Variants in SASH1 observed in about 807,000 individuals in gnomAD.
The protein encoded by SASH1 is SAM and SH3 domain containing 1.
In SASH1, 44 loss-of-function variants were observed where a neutral mutation model predicts 125.2. The ratio of observed to expected loss-of-function variants is 0.35; its 90% CI spans 0.28 to 0.45. The LOEUF (loss-of-function observed/expected upper bound fraction) is 0.45. SASH1 is among the 20% of genes least tolerant of loss of function. SASH1 has a pLI of 1.00. For synonymous variants in SASH1, 639 were observed against 649.1 expected (o/e 0.98, Z 0.24); for missense variants, 1,426 against 1,614.5 (o/e 0.88, Z 2.00).
chr6:148,508,510 G>T, intron 8 of SASH1: 2 of 1,012,242 alleles, frequency 2.0e-6, no homozygotes, highest in Non-Finnish European at 2.4e-6. Flanking sequence ...GTGAAAACAG[G>T]GATTGTTGGC....
intron 8 of SASH1, among the ~76,000 whole-genome samples, chr6:148,504,180 A>G (rs931902710): frequency 6.6e-6 from 1 of 152,184 alleles, no homozygotes; most frequent in Non-Finnish European, 1.5e-5. Context: ...AAGGATGCAT[A>G]GGAGTTAGGG....
chr6:148,455,798 G>A (rs879536003), intron 4 of SASH1, among the ~76,000 whole-genome samples: 22 of 152,360 alleles, frequency 1.4e-4, no homozygotes, highest in African/African-American at 3.6e-4. Flanking sequence ...CATGCTGCCC[G>A]TTGGGAGAAG....
intron 2 of SASH1, among the ~76,000 whole-genome samples, chr6:148,411,169 A>C (rs1784612354): frequency 3.2e-5 from 1 of 31,414 alleles, no homozygotes; most frequent in Non-Finnish European, 7.5e-5. Context: ...CCATCTCCAA[A>C]AAAAAAAAAA....
chr6:148,457,673 A>G (rs1198855248), intron 4 of SASH1, among the ~76,000 whole-genome samples: 2 of 152,184 alleles, frequency 1.3e-5, no homozygotes, highest in Non-Finnish European at 2.9e-5. Context: ...TTCGCCACTA[A>G]CTGTGTATTC....
chr6:148,510,516 A>G (rs999512725), intron 8 of SASH1, among the ~76,000 whole-genome samples: 1 of 152,198 alleles, frequency 6.6e-6, no homozygotes, highest in Non-Finnish European at 1.5e-5. Context: ...TGCTGAACCT[A>G]TTTCTTAGAA....
rs374116258 is a variant in SASH1 at position 148,362,178 on chromosome 6, T to C, written c.156+18955T>C. Among the ~76,000 whole-genome samples, 101 of 151,816 alleles carry C rather than the reference T, an allele frequency of 6.7e-4. 1 individual carries two copies. In the Middle Eastern group the frequency reaches 0.01, roughly 15 times the overall value. On this transcript the variant is annotated intron_variant, in intron 1 of 19. Coordinates refer to ENST00000367467, the MANE Select transcript of SASH1 (RefSeq NM_015278.5). ...TCCTGACCTTGTGATCCGCCCACCT[T>C]GGCCTCCCAAAGTGCTGGGATTACA...
At chr6:148,231,387 A>C in the SASH1 span, among the ~76,000 whole-genome samples, 9 of 152,192 alleles carry the variant, frequency 5.9e-5, no homozygotes, top group African/African-American at 1.9e-4. Flanking sequence ...AGCTGTGGAC[A>C]AAATTTTGGA....
At chr6:148,424,253 G>T (rs1283738868) in intron 2 of SASH1, among the ~76,000 whole-genome samples, 4 of 150,930 alleles carry the variant, frequency 2.7e-5, no homozygotes, top group Admixed American at 6.6e-5. Context: ...TTGGGGGGGG[G>T]AGGTGGGACA....
chr6:148,246,458 T>C, the SASH1 span, among the ~76,000 whole-genome samples: 20 of 152,248 alleles, frequency 1.3e-4, no homozygotes, highest in African/African-American at 4.3e-4. Flanking sequence ...ACCATTCATT[T>C]GTGTTATTTC....
intron 9 of SASH1, among the ~76,000 whole-genome samples, chr6:148,514,809 A>T (rs1780349945): frequency 6.6e-6 from 1 of 152,226 alleles, no homozygotes. Flanking sequence ...CCCAGAAAGG[A>T]CTATGGTTCT....
At chr6:148,281,221 G>T (rs1779333053) in intron 1 of SASH1, among the ~76,000 whole-genome samples, 1 of 148,654 alleles carries the variant, frequency 6.7e-6, no homozygotes, top group South Asian at 2.1e-4. Context: ...TCCTCCCAAA[G>T]TGCTGGGATT....
At chr6:148,430,960 A>G (rs893958602) in intron 2 of SASH1, among the ~76,000 whole-genome samples, 5 of 152,348 alleles carry the variant, frequency 3.3e-5, no homozygotes, top group African/African-American at 4.8e-5. Context: ...TTGCCATTGG[A>G]AAAACCAAAC....
At position 148,548,518 on chromosome 6, in the gene SASH1, C is replaced by T. The variant is rs760290667; in HGVS notation, c.3704C>T (p.Ala1235Val). Reference sequence around the variant, plus strand: ...CACATAAGAAAGCTCCTATCTGCAGCCAGACTCTTCAAACTGCCGCCAGGC... The same window carrying T: ...CACATAAGAAAGCTCCTATCTGCAGTCAGACTCTTCAAACTGCCGCCAGGC... ...ERHIRKLLSAARLFKLPPGPE... is the reference protein window; with the variant it reads ...ERHIRKLLSAVRLFKLPPGPE... Residue 1235 changes from alanine (A) to valine (V), a missense_variant, in exon 20 of 20, where the codon GCC becomes GTC. This residue lies in a region of SASH1 where 634 missense variants were observed against 694.4 expected (regional missense o/e 0.91). Coordinates refer to ENST00000367467, the MANE Select transcript of SASH1 (RefSeq NM_015278.5). 9 of 1,612,894 alleles carry T rather than the reference C, an allele frequency of 5.6e-6. No individual in the cohort carries two copies. The highest frequency in any genetic ancestry group is 2.7e-5 in the African/African-American group (2 of 74,918).
intron 1 of SASH1, among the ~76,000 whole-genome samples, chr6:148,321,623 T>C (rs968506689): frequency 2.6e-5 from 4 of 152,182 alleles, no homozygotes; most frequent in African/African-American, 9.6e-5. Flanking sequence ...AGCCTACTTA[T>C]GTGTCTGTCT....
rs1225671743 is a variant in SASH1 at position 148,550,079 on chromosome 6, T to A, written c.*1521T>A. ...GTCCACCCGCCTCAGCCTCCCAAAG[T>A]GCTGGGATTACAGGTGTGAGCCACC... is the stretch of plus-strand genomic sequence containing the variant. On this transcript the variant is annotated 3_prime_UTR_variant, in exon 20 of 20. Coordinates refer to ENST00000367467, the MANE Select transcript of SASH1 (RefSeq NM_015278.5). The A allele has an allele frequency of 4.6e-5, 7 of 152,350 alleles. No individual in the cohort carries two copies. Among genetic ancestry groups the A allele is most frequent in the Non-Finnish European group, 1.0e-4 (7 of 68,144 alleles). 9.4% of individuals were successfully genotyped at this position (152,350 alleles called of 1,614,324 possible). A position where few individuals can be genotyped will look rare whatever the true frequency, so the allele number is the denominator to read the frequency against.
chr6:148,307,024 TTTTCTTTCTTTC>T (rs55686327), intron 1 of SASH1, among the ~76,000 whole-genome samples: 10,814 of 120,504 alleles, frequency 0.09, 560 homozygotes, highest in East Asian at 0.13. Context: ...TTTCTCTTTC[TTTTCTTTCTTTC>T]TTTCTTTCTT....
the SASH1 span, among the ~76,000 whole-genome samples, chr6:148,223,217 G>T: frequency 6.6e-6 from 1 of 152,148 alleles, no homozygotes. Context: ...TAACTAACTA[G>T]GTGGGCCTCC....
the SASH1 span, among the ~76,000 whole-genome samples, chr6:148,225,210 T>G: frequency 2.0e-5 from 3 of 152,236 alleles, no homozygotes; most frequent in Admixed American, 6.5e-5. Context: ...CAGTTTTAAC[T>G]GTGTTCCTAA....
the SASH1 span, among the ~76,000 whole-genome samples, chr6:148,239,312 T>C: frequency 2.0e-5 from 3 of 152,230 alleles, no homozygotes; most frequent in African/African-American, 4.8e-5. Flanking sequence ...AATATAATAA[T>C]CCTGTCCCGT....
Sources: allele counts gnomAD v4.1 joint callset (sites outside exome capture counted in the v4.1 genomes callset), GRCh38; gene constraint gnomAD v4.1.1; regional missense constraint gnomAD v4.1.1; transcripts MANE v1.5; gene names NCBI Gene and HGNC (gene_info 2026-07-23, HGNC 2026-07-21).